ACOXL: variants seen among roughly 807,000 people sequenced by gnomAD.
ACOXL encodes acyl-coenzyme A oxidase-like protein.
A neutral mutation model predicts 71.9 loss-of-function variants in ACOXL; 70 were observed. The observed-to-expected ratio is 0.97, with a 90% CI of 0.80 to 1.19. The LOEUF (loss-of-function observed/expected upper bound fraction) is 1.19, where lower values mean the gene tolerates loss of function less well. Ranked by LOEUF, ACOXL falls within the 50% of genes most tolerant of loss-of-function variation. The pLI is 0.00. For synonymous variants in ACOXL, 253 were observed against 281.6 expected (o/e 0.90, Z 1.02); for missense variants, 703 against 736.3 (o/e 0.95, Z 0.52).
intron 1 of ACOXL, among the ~76,000 whole-genome samples, chr2:110,763,378 TCA>T (rs916003152): frequency 1.3e-5 from 2 of 152,198 alleles, no homozygotes; most frequent in African/African-American, 2.4e-5. Flanking sequence ...AGAAATGGAC[TCA>T]CATAAATATA....
intron 10 of ACOXL, among the ~76,000 whole-genome samples, chr2:110,905,364 A>G (rs323641): frequency 0.97 from 147,160 of 152,160 alleles, 71,355 homozygotes; most frequent in Middle Eastern, 1. Flanking sequence ...GATGGGAAGC[A>G]TCTGAAGGGG....
chr2:110,873,420 C>T (rs1419929891), intron 10 of ACOXL, among the ~76,000 whole-genome samples: 1 of 152,184 alleles, frequency 6.6e-6, no homozygotes, highest in African/African-American at 2.4e-5. Flanking sequence ...GGATGGTCCA[C>T]AGGATGCCGT....
At chr2:111,073,119 G>A (rs925021054) in intron 16 of ACOXL, among the ~76,000 whole-genome samples, 7 of 152,062 alleles carry the variant, frequency 4.6e-5, no homozygotes, top group Admixed American at 4.6e-4. Flanking sequence ...TCCTACTGTT[G>A]AGCTTTGAGA....
intron 15 of ACOXL, among the ~76,000 whole-genome samples, chr2:111,044,017 C>T (rs1281866992): frequency 1.3e-5 from 2 of 152,216 alleles, no homozygotes; most frequent in Non-Finnish European, 2.9e-5. Flanking sequence ...AATTACAAAG[C>T]AAGCTTACAA....
rs756959944 is a variant in ACOXL at position 111,117,769 on chromosome 2, C to G, written c.1696C>G (p.Arg566Gly). Residue 566 changes from arginine to glycine, a missense_variant, in exon 18 of 18, where the codon CGG (arginine) becomes GGG (glycine). By Grantham distance (125) the Arg-to-Gly change is moderately radical. Coordinates refer to ENST00000439055, the MANE Select transcript of ACOXL (RefSeq NM_001142807.4). ...FYPAPLQPRP[R>G]EEARSRRPKL... ...CCCTGCACCGCTGCAGCCGCGGCCA[C>G]GGGAAGAGGCGCGCTCCCGGCGGCC... 2.6e-6 allele frequency: 4 copies of G among 1,551,242 alleles called. No homozygotes were observed. In the African/African-American group the frequency reaches 5.5e-5, roughly 21 times the overall value.
chr2:110,979,458 C>T (rs1012513029), intron 12 of ACOXL, among the ~76,000 whole-genome samples: 8 of 152,216 alleles, frequency 5.3e-5, no homozygotes, highest in South Asian at 2.1e-4. Context: ...TTGGCCAGGA[C>T]GGTGCCCGTG....
At chr2:111,003,550 C>CAAAAAAAAAAAAAAAAAAAAAA (rs548001377) in intron 14 of ACOXL, among the ~76,000 whole-genome samples, 3 of 35,336 alleles carry the variant, frequency 8.5e-5, no homozygotes, top group Non-Finnish European at 1.1e-4. Context: ...GACTCTGTCT[C>CAAAAAAAAAAAAAAAAAAAAAA]AAAAAAAAAA....
intron 12 of ACOXL, among the ~76,000 whole-genome samples, chr2:110,957,038 T>G (rs1259097354): frequency 6.6e-6 from 1 of 152,174 alleles, no homozygotes; most frequent in African/African-American, 2.4e-5. Context: ...GTTTGGAACA[T>G]GGGTTTAGAG....
chr2:110,754,928 C>T (rs900421313), intron 1 of ACOXL, among the ~76,000 whole-genome samples: 2 of 152,158 alleles, frequency 1.3e-5, no homozygotes, highest in Non-Finnish European at 2.9e-5. Flanking sequence ...TTCCATTTTA[C>T]ACTCCTACCT....
At chr2:110,918,552 T>A (rs1235877050) in intron 11 of ACOXL, among the ~76,000 whole-genome samples, 1 of 151,934 alleles carries the variant, frequency 6.6e-6, no homozygotes, top group Non-Finnish European at 1.5e-5. Flanking sequence ...AATTGACAAA[T>A]GGGATCTAAT....
chr2:111,061,187 A>T (rs1039573694), intron 16 of ACOXL, among the ~76,000 whole-genome samples: 5 of 152,228 alleles, frequency 3.3e-5, no homozygotes, highest in African/African-American at 1.2e-4. Flanking sequence ...GACCAATAGG[A>T]TACATCAAAG....
Position 111,049,217 on chromosome 2 carries a change from G to T in ACOXL, c.1370-1G>T, listed in dbSNP as rs113297147. The T allele has an allele frequency of 5.5e-5, 89 of 1,608,964 alleles. No individual in the cohort carries two copies. The African/African-American group carries it at 9.2e-4, about 17-fold the overall frequency. On this transcript the variant is annotated splice_acceptor_variant, in intron 15 of 17. Transcript: ENST00000439055. LOFTEE classifies it high-confidence loss of function. ...CACAATTTCCATTTCTTCCCTTCCAGTTACCTTAGAGCAGTTCTCCCTAGC... is the reference window on the plus strand; with the variant it reads ...CACAATTTCCATTTCTTCCCTTCCATTTACCTTAGAGCAGTTCTCCCTAGC...
chr2:110,968,182 A>T (rs2062014919), intron 12 of ACOXL: 3 of 1,146,562 alleles, frequency 2.6e-6, no homozygotes, highest in Non-Finnish European at 2.6e-6. Flanking sequence ...TGGCACAGAC[A>T]ACATCTATGA....
At chr2:110,805,423 A>G (rs1341853139) in intron 9 of ACOXL, 28 bp downstream of exon 9, 2 of 1,613,804 alleles carry the variant, frequency 1.2e-6, no homozygotes, top group African/African-American at 1.3e-5. Flanking sequence ...TAACTTAATT[A>G]TCTACTGTGA....
chr2:111,064,086 A>G (rs1226936734), intron 16 of ACOXL, among the ~76,000 whole-genome samples: 1 of 152,142 alleles, frequency 6.6e-6, no homozygotes. Context: ...TGGGGGATTG[A>G]TTTCAGGATC....
chr2:110,799,895 G>A (rs1365749600), intron 7 of ACOXL, among the ~76,000 whole-genome samples: 1 of 152,162 alleles, frequency 6.6e-6, no homozygotes, highest in Non-Finnish European at 1.5e-5. Flanking sequence ...TCACCAATCA[G>A]CGCTCTGTAA....
At chr2:111,091,951 G>T (rs1379880684) in intron 16 of ACOXL, among the ~76,000 whole-genome samples, 1 of 152,158 alleles carries the variant, frequency 6.6e-6, no homozygotes, top group Non-Finnish European at 1.5e-5. Flanking sequence ...GCCATAGAAG[G>T]CAAATTGTCT....
chr2:111,038,945 T>G (rs1225349363), intron 15 of ACOXL, among the ~76,000 whole-genome samples: 2 of 152,234 alleles, frequency 1.3e-5, no homozygotes, highest in African/African-American at 4.8e-5. Flanking sequence ...AGATTTTCTT[T>G]CAGCTCTTTG....
At chr2:111,025,963 CT>C (rs2065000486) in intron 14 of ACOXL, among the ~76,000 whole-genome samples, 1 of 152,026 alleles carries the variant, frequency 6.6e-6, no homozygotes, top group Non-Finnish European at 1.5e-5. Context: ...TCATTTATTT[CT>C]TTGTTTTTTC....
Sources: gnomAD v4.1 joint callset for allele counts (sites outside exome capture counted in the v4.1 genomes callset) on GRCh38, gnomAD v4.1.1 for gene constraint, MANE v1.5 for transcripts, NCBI Gene and HGNC (gene_info 2026-07-23, HGNC 2026-07-21) for gene names.